The following PLCE1 variants were observed in gnomAD, a reference collection of about 807,000 sequenced individuals.
PLCE1 encodes the protein phospholipase C epsilon 1, also known as 1-phosphatidylinositol 4,5-bisphosphate phosphodiesterase epsilon-1.
Under a neutral mutation model 242.8 loss-of-function variants are expected in PLCE1, and 119 were observed. The observed-to-expected ratio is 0.49, with a 90% CI of 0.42 to 0.57. PLCE1 has a LOEUF of 0.57. PLCE1 is among the 20% of genes least tolerant of loss of function. PLCE1 has a pLI of 0.00. For synonymous variants in PLCE1, 945 were observed against 1,017.4 expected, an observed-to-expected ratio of 0.93 and a Z score of 1.35; for missense variants, 2,441 against 2,788.8, an observed-to-expected ratio of 0.88 and a Z score of 2.81.
intron 2 of PLCE1, among the ~76,000 whole-genome samples, chr10:94,050,576 C>G (rs1415553140): frequency 1.3e-5 from 2 of 152,118 alleles, no homozygotes; most frequent in African/African-American, 4.8e-5. Flanking sequence ...CATCCCATCC[C>G]TTTTGTGAAG....
At chr10:94,112,311 G>T (rs1264434712) in intron 2 of PLCE1, among the ~76,000 whole-genome samples, 11 of 152,164 alleles carry the variant, frequency 7.2e-5, no homozygotes, top group Non-Finnish European at 2.9e-5. Context: ...TAGGTTGAAT[G>T]ATATGAAATT....
Position 94,330,517 on chromosome 10 carries a change from A to G in PLCE1, c.*2574A>G, listed in dbSNP as rs2054146375. On this transcript the variant is annotated 3_prime_UTR_variant, in exon 33 of 33. Coordinates refer to ENST00000371380, the MANE Select transcript of PLCE1 (RefSeq NM_016341.4). ...GAAACCCGTCTCTACTAAAAATACA[A>G]AAATTAGCTGGGTACTAAAAATACA... 6.6e-6 allele frequency: 1 copy of G among 152,044 alleles called. No individual in the cohort carries two copies. Among genetic ancestry groups the G allele is most frequent in the Admixed American group, 6.5e-5 (1 of 15,268 alleles). The allele number at this position is 152,044 out of a possible 1,614,324, so 9.4% of individuals were successfully genotyped here.
intron 4 of PLCE1, among the ~76,000 whole-genome samples, chr10:94,224,983 G>A (rs565560349): frequency 6.6e-6 from 1 of 152,198 alleles, no homozygotes; most frequent in Admixed American, 6.5e-5. Flanking sequence ...CCACCTGAGG[G>A]CCCAGTGAAG....
At chr10:94,163,966 G>A (rs1466508369) in intron 3 of PLCE1, among the ~76,000 whole-genome samples, 1 of 152,182 alleles carries the variant, frequency 6.6e-6, no homozygotes, top group Non-Finnish European at 1.5e-5. Flanking sequence ...CTTTAAAAAT[G>A]TTGAATATTG....
chr10:94,319,352 G>A (rs1221780532), intron 29 of PLCE1, among the ~76,000 whole-genome samples: 5 of 152,168 alleles, frequency 3.3e-5, no homozygotes, highest in Admixed American at 3.3e-4. Flanking sequence ...ATTACTGAAT[G>A]TAAGAGGGCA....
At position 94,074,230 on chromosome 10, in the gene PLCE1, G is replaced by A. The variant is rs539488239; in HGVS notation, c.1206+41978G>A. Reference sequence around the variant, plus strand: ...TTTCTTGTAGACAGAGTCTCCCTCTGTAGCCAGGCTGGAGTGCAGTGGCTC... The same window carrying A: ...TTTCTTGTAGACAGAGTCTCCCTCTATAGCCAGGCTGGAGTGCAGTGGCTC... On this transcript the variant is annotated intron_variant, in intron 2 of 32. Coordinates refer to ENST00000371380, the MANE Select transcript of PLCE1 (RefSeq NM_016341.4). 2.2e-5 allele frequency among the ~76,000 whole-genome samples: 3 copies of A among 135,398 alleles called. No individual in the cohort carries two copies. The East Asian group carries it at 6.4e-4, about 29-fold the overall frequency. 88.8% of individuals were successfully genotyped at this position (135,398 alleles called of 152,430 possible).
chr10:94,091,420 G>T (rs932385274), intron 2 of PLCE1, among the ~76,000 whole-genome samples: 1 of 152,146 alleles, frequency 6.6e-6, no homozygotes, highest in African/African-American at 2.4e-5. Flanking sequence ...AGCAACACCT[G>T]CAGAGTTGGT....
At chr10:94,168,002 C>T (rs2047861669) in intron 3 of PLCE1, among the ~76,000 whole-genome samples, 1 of 152,020 alleles carries the variant, frequency 6.6e-6, no homozygotes, top group Non-Finnish European at 1.5e-5. Flanking sequence ...TGACTATTAA[C>T]TGAAGAATAT....
chr10:94,321,942 G>A lies in PLCE1; in HGVS notation c.6384G>A (p.Val2128=), dbSNP rs1049410981. ...ACATTGTTCAAGATGACAAAGAGGT[G>A]ATCTTGAGCTCAGAGGAGGAGAGTT... ...EKNIVQDDKE[V]ILSSEEESFF... is the part of the protein sequence containing the mutation. Residue 2128 remains valine, a synonymous_variant, in exon 30 of 33, where the codon GTG becomes GTA. Coordinates refer to ENST00000371380, the MANE Select transcript of PLCE1 (RefSeq NM_016341.4). 1 of 1,613,814 alleles carries A rather than the reference G, an allele frequency of 6.2e-7. No homozygotes were observed.
chr10:94,074,985 T>C (rs2135157940), intron 2 of PLCE1, among the ~76,000 whole-genome samples: 1 of 152,326 alleles, frequency 6.6e-6, no homozygotes, highest in Admixed American at 6.5e-5. Flanking sequence ...ACAATGTCAG[T>C]AGGATTTCAA....
At chr10:94,296,077 G>C (rs951760505) in intron 23 of PLCE1, among the ~76,000 whole-genome samples, 6 of 152,116 alleles carry the variant, frequency 3.9e-5, no homozygotes, top group South Asian at 2.1e-4. Flanking sequence ...AAAAGTTGTT[G>C]TTTGGCCGGG....
chr10:94,203,241 T>A (rs924836312), intron 4 of PLCE1, among the ~76,000 whole-genome samples: 4 of 152,180 alleles, frequency 2.6e-5, no homozygotes, highest in African/African-American at 7.2e-5. Context: ...CATGGCTCTG[T>A]CACACTCTGC....
At chr10:94,301,877 G>T (rs2053051984) in intron 24 of PLCE1, among the ~76,000 whole-genome samples, 1 of 151,542 alleles carries the variant, frequency 6.6e-6, no homozygotes, top group Non-Finnish European at 1.5e-5. Flanking sequence ...TTTTTTTAAA[G>T]AATTTATTAA....
rs138352696 is a variant in PLCE1 at position 94,065,800 on chromosome 10, C to T, written c.1206+33548C>T. The stretch of plus-strand genomic sequence containing the variant: ...GGGCAGCAGGGACCTTGGAATAATT[C>T]CAGAAATGGTATCTCAGCCTCAAGT... On this transcript the variant is annotated intron_variant, in intron 2 of 32. Transcript: ENST00000371380. Among the ~76,000 whole-genome samples, 506 of 152,232 alleles carry T rather than the reference C, an allele frequency of 3.3e-3. 1 individual carries two copies. The highest frequency in any genetic ancestry group is 0.011 in the African/African-American group (466 of 41,532).
At chr10:94,218,557 T>C (rs536010968) in intron 4 of PLCE1, among the ~76,000 whole-genome samples, 1 of 152,192 alleles carries the variant, frequency 6.6e-6, no homozygotes, top group Non-Finnish European at 1.5e-5. Flanking sequence ...CCAATACTTC[T>C]GTCAGCTTAG....
At chr10:94,001,381 C>T (rs1458279980) in intron 1 of PLCE1, among the ~76,000 whole-genome samples, 1 of 152,070 alleles carries the variant, frequency 6.6e-6, no homozygotes, top group African/African-American at 2.4e-5. Flanking sequence ...GATGGGTGCA[C>T]ACAAGTTCAG....
At chr10:94,243,225 C>A (rs2050567983) in intron 7 of PLCE1, among the ~76,000 whole-genome samples, 1 of 152,112 alleles carries the variant, frequency 6.6e-6, no homozygotes, top group Non-Finnish European at 1.5e-5. Context: ...ATGGTCTTCC[C>A]TCCCCAAACC....
intron 3 of PLCE1, among the ~76,000 whole-genome samples, chr10:94,134,035 G>A (rs2135931625): frequency 6.6e-6 from 1 of 151,972 alleles, no homozygotes; most frequent in South Asian, 2.1e-4. Flanking sequence ...GTATGCCAGG[G>A]CCTTATCCCA....
At chr10:94,093,788 T>C (rs2045174594) in intron 2 of PLCE1, among the ~76,000 whole-genome samples, 1 of 151,812 alleles carries the variant, frequency 6.6e-6, no homozygotes, top group Non-Finnish European at 1.5e-5. Context: ...TGTCGCAGAG[T>C]AGAATAGTGA....
Sources: gnomAD v4.1 joint callset for allele counts (sites outside exome capture counted in the v4.1 genomes callset) on GRCh38, gnomAD v4.1.1 for gene constraint, MANE v1.5 for transcripts, NCBI Gene and HGNC (gene_info 2026-07-23, HGNC 2026-07-21) for gene names.